TMEM43: variants seen among roughly 807,000 people sequenced by gnomAD.
TMEM43 encodes arrhythmogenic right ventricular dysplasia 5.
TMEM43 carries 45 observed loss-of-function variants against 49.6 expected under a neutral mutation model. The ratio of observed to expected loss-of-function variants is 0.91; its 90% CI spans 0.71 to 1.16. The LOEUF (loss-of-function observed/expected upper bound fraction) is 1.16, where lower values mean the gene tolerates loss of function less well. TMEM43 is among the 50% of genes most tolerant of loss of function. The pLI is 0.00. For synonymous variants in TMEM43, 199 were observed against 207.8 expected (o/e 0.96, Z 0.36); for missense variants, 532 against 516.6 (o/e 1.03, Z -0.29).
intron 11 of TMEM43, among the ~76,000 whole-genome samples, chr3:14,140,428 G>A (rs899291814): frequency 6.6e-6 from 1 of 152,128 alleles, no homozygotes; most frequent in African/African-American, 2.4e-5. Flanking sequence ...GAGTGTGGAG[G>A]GACCCCCAGG....
chr3:14,129,121 C>G, intron 1 of TMEM43: 1 of 404,594 alleles, frequency 2.5e-6, no homozygotes, highest in Non-Finnish European at 4.8e-6. Flanking sequence ...TCCCCATCCC[C>G]ACCAGTTACC....
In TMEM43 at chr3:14,142,558, AAAC is replaced by A. The variant is rs1695264939; in HGVS notation, c.*766_*768del. The A allele has an allele frequency of 7.4e-6, 1 of 135,388 alleles. No individual in the cohort carries two copies. The highest frequency in any genetic ancestry group is 1.6e-5 in the Non-Finnish European group (1 of 63,482). 8.4% of individuals were successfully genotyped at this position (135,388 alleles called of 1,614,324 possible). A position where few individuals can be genotyped will look rare whatever the true frequency, so the allele number is the denominator to read the frequency against. On this transcript the variant is annotated 3_prime_UTR_variant, in exon 12 of 12. Transcript: ENST00000306077. The stretch of plus-strand genomic sequence containing the variant: ...GGAAGTTTTCTGAAATAAGATTTAA[AAAC>A]AAAACAAAAAAAACACTTAATATTT...
At position 14,143,135 on chromosome 3, in the gene TMEM43, A is replaced by G. The variant is rs1049166260; in HGVS notation, c.*1340A>G. 1 of 151,972 alleles carries G rather than the reference A, an allele frequency of 6.6e-6. No individual in the cohort carries two copies. The highest frequency in any genetic ancestry group is 1.5e-5 in the Non-Finnish European group (1 of 68,026). 9.4% of individuals were successfully genotyped at this position (151,972 alleles called of 1,614,324 possible). On this transcript the variant is annotated 3_prime_UTR_variant, in exon 12 of 12. Coordinates refer to ENST00000306077, the MANE Select transcript of TMEM43 (RefSeq NM_024334.3). ...TTCTAAGTTCCCCAACTACTCTCACACCCTTTTAAAGATAAAGTATGTTGT... is the reference window on the plus strand; with the variant it reads ...TTCTAAGTTCCCCAACTACTCTCACGCCCTTTTAAAGATAAAGTATGTTGT...
chr3:14,135,166 C>G lies in TMEM43; in HGVS notation c.714C>G (p.Asp238Glu), dbSNP rs757266867. 2 of 1,612,336 alleles carry G rather than the reference C, an allele frequency of 1.2e-6. No homozygotes were observed. The highest frequency in any genetic ancestry group is 2.7e-5 in the African/African-American group (2 of 74,918). Residue 238 changes from aspartate (D) to glutamate (E), a missense_variant, in exon 9 of 12, where the codon GAC becomes GAG. Coordinates refer to ENST00000306077, the MANE Select transcript of TMEM43 (RefSeq NM_024334.3). ...TTCTCTTCCACCCCCAGGTGGGAGA[C>G]TTGCGTGTCTCCTTTTCCTATGCTG... Reference protein sequence around the residue: ...SENPKYPEVGDLRVSFSYAGL... With the variant: ...SENPKYPEVGELRVSFSYAGL...
At chr3:14,131,083 C>A in intron 3 of TMEM43, 127 bp downstream of exon 3, 1 of 1,219,856 alleles carries the variant, frequency 8.2e-7, no homozygotes, top group Non-Finnish European at 1.1e-6. Context: ...GACTTTACCA[C>A]TCAGCAGCTG....
In TMEM43 at chr3:14,141,894, A is replaced by G. The variant is rs1467201452; in HGVS notation, c.*99A>G. ...CATGCCAGAGCAGGAGCCCCGGTCAATTTTGGACTCTGCACTCCCTCTCCT... is the reference window on the plus strand; with the variant it reads ...CATGCCAGAGCAGGAGCCCCGGTCAGTTTTGGACTCTGCACTCCCTCTCCT... On this transcript the variant is annotated 3_prime_UTR_variant, in exon 12 of 12. Transcript: ENST00000306077. The G allele has an allele frequency of 1.8e-5, 23 of 1,298,834 alleles. No individual in the cohort carries two copies. The highest frequency in any genetic ancestry group is 2.3e-5 in the Non-Finnish European group (22 of 943,582). The allele number at this position is 1,298,834 out of a possible 1,614,324, so 80.5% of individuals were successfully genotyped here. A position where few individuals can be genotyped will look rare whatever the true frequency, so the allele number is the denominator to read the frequency against.
chr3:14,131,067 A>G (rs1695089196), intron 3 of TMEM43, 111 bp downstream of exon 3: 4 of 1,384,030 alleles, frequency 2.9e-6, no homozygotes, highest in Non-Finnish European at 3.9e-6. Context: ...CATGGGAGTG[A>G]TTCCCGACTT....
chr3:14,138,215 G>A (rs1235871645), intron 10 of TMEM43, among the ~76,000 whole-genome samples: 2 of 152,172 alleles, frequency 1.3e-5, no homozygotes, highest in African/African-American at 2.4e-5. Flanking sequence ...TGTAGGCAGA[G>A]CAAACCCACG....
chr3:14,135,691 G>T, intron 9 of TMEM43, 116 bp from the exon 10 acceptor site: 1 of 768,978 alleles, frequency 1.3e-6, no homozygotes, highest in Non-Finnish European at 2.2e-6. Flanking sequence ...GAAGCCCCAG[G>T]GTTTCTGTGC....
At chr3:14,141,520 G>C in intron 11 of TMEM43, 73 bp from the exon 12 acceptor site, 1 of 1,421,032 alleles carries the variant, frequency 7.0e-7, no homozygotes, top group African/African-American at 1.4e-5. Context: ...TCCTCATCTA[G>C]GGACAGGAGA....
At chr3:14,137,101 G>A (rs1337203136) in intron 10 of TMEM43, 1 of 141,188 alleles carries the variant, frequency 7.1e-6, no homozygotes, top group Non-Finnish European at 1.6e-5. Context: ...CCTATTATTA[G>A]ATCCTCAGCA....
intron 10 of TMEM43, among the ~76,000 whole-genome samples, chr3:14,136,227 C>G (rs979046568): frequency 6.6e-6 from 1 of 152,220 alleles, no homozygotes; most frequent in Non-Finnish European, 1.5e-5. Flanking sequence ...TACAATGCAA[C>G]CCGTCACATG....
At chr3:14,138,780 G>A (rs1025094974) in intron 10 of TMEM43, among the ~76,000 whole-genome samples, 1 of 152,226 alleles carries the variant, frequency 6.6e-6, no homozygotes, top group African/African-American at 2.4e-5. Context: ...CTGAGAAGGA[G>A]GGTGCAGTGT....
At chr3:14,128,336 C>T (rs888228396) in intron 1 of TMEM43, among the ~76,000 whole-genome samples, 1 of 152,202 alleles carries the variant, frequency 6.6e-6, no homozygotes, top group African/African-American at 2.4e-5. Context: ...CCTCCAAGCC[C>T]TTTCTTCCTC....
rs1049166260 is a variant in TMEM43 at position 14,143,135 on chromosome 3, A to T, written c.*1340A>T. On this transcript the variant is annotated 3_prime_UTR_variant, in exon 12 of 12. Coordinates refer to ENST00000306077, the MANE Select transcript of TMEM43 (RefSeq NM_024334.3). Reference sequence around the variant, plus strand: ...TTCTAAGTTCCCCAACTACTCTCACACCCTTTTAAAGATAAAGTATGTTGT... The same window carrying T: ...TTCTAAGTTCCCCAACTACTCTCACTCCCTTTTAAAGATAAAGTATGTTGT... 2 of 151,972 alleles carry T rather than the reference A, an allele frequency of 1.3e-5. No homozygotes were observed. The highest frequency in any genetic ancestry group is 2.9e-5 in the Non-Finnish European group (2 of 68,026). 9.4% of individuals were successfully genotyped at this position (151,972 alleles called of 1,614,324 possible). A position where few individuals can be genotyped will look rare whatever the true frequency, so the allele number is the denominator to read the frequency against.
intron 1 of TMEM43, chr3:14,128,971 C>T (rs933747285): frequency 2.2e-6 from 1 of 456,512 alleles, no homozygotes; most frequent in South Asian, 1.5e-5. Context: ...CTGATAAACA[C>T]CACAACATGA....
intron 10 of TMEM43, among the ~76,000 whole-genome samples, chr3:14,138,918 C>G (rs764076853): frequency 5.3e-5 from 8 of 152,186 alleles, no homozygotes; most frequent in South Asian, 2.1e-4. Flanking sequence ...CCAGGTGAGA[C>G]CGTGGGCTGA....
intron 1 of TMEM43, among the ~76,000 whole-genome samples, chr3:14,125,753 T>C (rs543946043): frequency 2.5e-4 from 38 of 151,646 alleles, no homozygotes; most frequent in Middle Eastern, 3.2e-3. Flanking sequence ...AGCGAAGGAG[T>C]TGGGGGAGAG....
At chr3:14,134,680 G>A in intron 7 of TMEM43, 90 bp from the exon 8 acceptor site, 8 of 1,563,272 alleles carry the variant, frequency 5.1e-6, no homozygotes, top group Non-Finnish European at 7.0e-6. Flanking sequence ...CAGGCTCCAG[G>A]GGTGCAGTGG....
Sources: allele counts gnomAD v4.1 joint callset (sites outside exome capture counted in the v4.1 genomes callset), GRCh38; gene constraint gnomAD v4.1.1; transcripts MANE v1.5; gene names NCBI Gene and HGNC (gene_info 2026-07-23, HGNC 2026-07-21).